Variants in ZNF423 observed in about 807,000 individuals in gnomAD.
The protein encoded by ZNF423 is zinc finger protein 423, also known as Ebf-associated zinc finger protein.
A neutral mutation model predicts 95.8 loss-of-function variants in ZNF423; 12 were observed. That is an observed-to-expected ratio of 0.13 (90% CI 0.08 to 0.20). The LOEUF (loss-of-function observed/expected upper bound fraction) is 0.20, where lower values mean the gene tolerates loss of function less well. ZNF423 is among the 10% of genes least tolerant of loss of function. The probability of loss-of-function intolerance (pLI) is 1.00; values close to 1 mark genes in which losing one functional copy is unlikely to be tolerated. For missense variants in ZNF423, 1,316 were observed against 1,737.1 expected, an observed-to-expected ratio of 0.76 and a Z score of 4.31; for synonymous variants, 749 against 711.9, an observed-to-expected ratio of 1.05 and a Z score of -0.83.
At chr16:49,854,462 G>A (rs2035335520) in intron 1 of ZNF423, 1 of 985,464 alleles carries the variant, frequency 1.0e-6, no homozygotes, top group African/African-American at 1.7e-5. Flanking sequence ...GCGCCTTCCC[G>A]CGCAGGCCTC....
intron 3 of ZNF423, among the ~76,000 whole-genome samples, chr16:49,701,054 T>C (rs2032163879): frequency 6.6e-6 from 1 of 152,202 alleles, no homozygotes; most frequent in African/African-American, 2.4e-5. Context: ...GAGATTGTAA[T>C]AGAAATAGAG....
chr16:49,650,988 T>C (rs1381595031), intron 3 of ZNF423, among the ~76,000 whole-genome samples: 2 of 152,246 alleles, frequency 1.3e-5, no homozygotes, highest in African/African-American at 4.8e-5. Flanking sequence ...TTTGTTGTTG[T>C]TGTTCCTTAA....
At chr16:49,683,498 A>C (rs767487326) in intron 3 of ZNF423, among the ~76,000 whole-genome samples, 3 of 152,214 alleles carry the variant, frequency 2.0e-5, no homozygotes, top group Non-Finnish European at 4.4e-5. Flanking sequence ...CAAAGGACCA[A>C]GTTCACTCAG....
chr16:49,852,350 A>G (rs1330244694), intron 1 of ZNF423, among the ~76,000 whole-genome samples: 1 of 152,204 alleles, frequency 6.6e-6, no homozygotes, highest in African/African-American at 2.4e-5. Context: ...ATTATTCAAA[A>G]GTTTTAAGCT....
intron 1 of ZNF423, among the ~76,000 whole-genome samples, chr16:49,813,935 G>A (rs186548955): frequency 1.7e-3 from 257 of 152,338 alleles, no homozygotes; most frequent in Middle Eastern, 0.01. Context: ...AGAACCGGGA[G>A]GCCCCAGGTG....
chr16:49,599,547 A>G (rs1971289892), intron 5 of ZNF423, among the ~76,000 whole-genome samples: 2 of 152,216 alleles, frequency 1.3e-5, no homozygotes, highest in Admixed American at 1.3e-4. Context: ...TTCATAGACA[A>G]CATGGAACAC....
chr16:49,840,170 G>A (rs1364571355), intron 1 of ZNF423, among the ~76,000 whole-genome samples: 2 of 152,152 alleles, frequency 1.3e-5, no homozygotes, highest in Non-Finnish European at 2.9e-5. Context: ...CATGACAAGT[G>A]ATCAAATAAG....
intron 5 of ZNF423, among the ~76,000 whole-genome samples, chr16:49,579,823 G>A (rs865910319): frequency 1.2e-4 from 18 of 152,156 alleles, no homozygotes; most frequent in African/African-American, 4.3e-4. Context: ...CACAGGGAGG[G>A]CTGGCAGAGG....
At chr16:49,495,909 CT>C (rs756267941) in intron 7 of ZNF423, among the ~76,000 whole-genome samples, 4 of 152,218 alleles carry the variant, frequency 2.6e-5, no homozygotes, top group African/African-American at 7.2e-5. Context: ...CCTGGTCTCC[CT>C]TTGATACCTA....
intron 1 of ZNF423, among the ~76,000 whole-genome samples, chr16:49,808,341 T>C (rs1472993494): frequency 2.0e-5 from 3 of 152,162 alleles, no homozygotes; most frequent in Non-Finnish European, 4.4e-5. Flanking sequence ...GGATTACAGA[T>C]GTGAGCCATT....
intron 3 of ZNF423, among the ~76,000 whole-genome samples, chr16:49,719,200 G>A (rs1419107245): frequency 6.6e-6 from 1 of 152,178 alleles, no homozygotes; most frequent in Non-Finnish European, 1.5e-5. Context: ...TTCCCGCCCA[G>A]GGGTGAGACA....
At chr16:49,838,632 G>A (rs1055532912) in intron 1 of ZNF423, among the ~76,000 whole-genome samples, 3 of 152,060 alleles carry the variant, frequency 2.0e-5, no homozygotes, top group African/African-American at 7.2e-5. Flanking sequence ...CACCAGCTGT[G>A]GGCTCGACGC....
chr16:49,700,015 G>C (rs1223222229), intron 3 of ZNF423, among the ~76,000 whole-genome samples: 1 of 152,068 alleles, frequency 6.6e-6, no homozygotes, highest in East Asian at 1.9e-4. Flanking sequence ...GAGGGGCTGG[G>C]CTAGAAGCAG....
At chr16:49,684,733 T>G (rs2031495329) in intron 3 of ZNF423, among the ~76,000 whole-genome samples, 1 of 152,014 alleles carries the variant, frequency 6.6e-6, no homozygotes, top group Non-Finnish European at 1.5e-5. Context: ...CTATAAGCCC[T>G]CCCCTCAGCT....
upstream of ZNF423, among the ~76,000 whole-genome samples, chr16:49,856,513 C>A (rs1313976540): frequency 6.6e-6 from 1 of 151,032 alleles, no homozygotes; most frequent in Non-Finnish European, 1.5e-5. Flanking sequence ...TGCCCAAGCG[C>A]CTGGTTTGGA....
intron 5 of ZNF423, among the ~76,000 whole-genome samples, chr16:49,613,216 C>T (rs1385085190): frequency 6.6e-6 from 1 of 152,104 alleles, no homozygotes; most frequent in Non-Finnish European, 1.5e-5. Context: ...TAGATAGCAA[C>T]AATTTTGAAA....
chr16:49,701,784 C>T (rs2032192174), intron 3 of ZNF423, among the ~76,000 whole-genome samples: 1 of 152,168 alleles, frequency 6.6e-6, no homozygotes, highest in South Asian at 2.1e-4. Flanking sequence ...TTCTAGAAGG[C>T]AGATTAAATG....
chr16:49,693,833 G>A (rs2031875635), intron 3 of ZNF423, among the ~76,000 whole-genome samples: 1 of 152,230 alleles, frequency 6.6e-6, no homozygotes, highest in Non-Finnish European at 1.5e-5. Flanking sequence ...ACACTAGAGA[G>A]ATGAACTCCT....
rs147999567 is a variant in ZNF423 at position 49,637,193 on chromosome 16, C to T, written c.1983G>A (p.Leu661=). 4.0e-5 allele frequency: 64 copies of T among 1,613,930 alleles called. No individual in the cohort carries two copies. The Middle Eastern group carries it at 1.2e-3, about 29-fold the overall frequency. ...NFESFQTHLK[L]HLELLLRKQA... Reference sequence around the variant, plus strand: ...GCTTCCGCAGCAGCAGCTCCAGGTGCAGCTTCAGGTGGGTCTGGAAGCTCT... The same window carrying T: ...GCTTCCGCAGCAGCAGCTCCAGGTGTAGCTTCAGGTGGGTCTGGAAGCTCT... Residue 661 remains leucine, a synonymous_variant, in exon 4 of 8, where the codon CTG becomes CTA. Transcript: ENST00000563137. This position sits in a 1 kb window ranked among gnomAD's most constrained non-coding sequence, Gnocchi z 5.6.
Sources: allele counts gnomAD v4.1 joint callset (sites outside exome capture counted in the v4.1 genomes callset), GRCh38; gene constraint gnomAD v4.1.1; non-coding constraint Gnocchi (gnomAD v3.1); transcripts MANE v1.5; gene names NCBI Gene and HGNC (gene_info 2026-07-23, HGNC 2026-07-21).